DGKB: variants seen among roughly 807,000 people sequenced by gnomAD.
DGKB encodes diacylglycerol kinase beta.
DGKB carries 67 observed loss-of-function variants against 114.3 expected under a neutral mutation model. The ratio of observed to expected loss-of-function variants is 0.59; its 90% CI spans 0.48 to 0.72. DGKB has a LOEUF of 0.72. DGKB is among the 30% of genes least tolerant of loss of function. The pLI, the probability that DGKB is intolerant of heterozygous loss-of-function variation, is 0.00. For synonymous variants in DGKB, 398 were observed against 323.1 expected (o/e 1.23, Z -2.49); for missense variants, 907 against 975.2 (o/e 0.93, Z 0.93).
chr7:14,648,316 T>C (rs2128891807), intron 13 of DGKB, among the ~76,000 whole-genome samples: 1 of 152,262 alleles, frequency 6.6e-6, no homozygotes, highest in Admixed American at 6.5e-5. Context: ...GCAGACTGCC[T>C]CCTCAAGTGG....
chr7:14,263,521 C>G (rs750217801), intron 23 of DGKB, among the ~76,000 whole-genome samples: 7 of 152,156 alleles, frequency 4.6e-5, no homozygotes, highest in African/African-American at 7.2e-5. Flanking sequence ...ACATGCTCTC[C>G]TTACATGCTA....
At chr7:14,408,353 C>T (rs1824296635) in intron 21 of DGKB, among the ~76,000 whole-genome samples, 1 of 152,024 alleles carries the variant, frequency 6.6e-6, no homozygotes, top group African/African-American at 2.4e-5. Flanking sequence ...AGAATAAGGA[C>T]ATTTCTGAAA....
chr7:14,834,148 G>A (rs1301676592), intron 2 of DGKB, among the ~76,000 whole-genome samples: 2 of 152,064 alleles, frequency 1.3e-5, no homozygotes, highest in African/African-American at 4.8e-5. Context: ...TAAGGATAAA[G>A]TATCAACTTA....
At chr7:14,840,742 A>ACC (rs1364299920) in intron 2 of DGKB, among the ~76,000 whole-genome samples, 3 of 107,356 alleles carry the variant, frequency 2.8e-5, no homozygotes, top group Non-Finnish European at 6.1e-5. Context: ...ACACACACAC[A>ACC]CACCTCTCCC....
intron 17 of DGKB, among the ~76,000 whole-genome samples, chr7:14,605,581 C>T (rs183974354): frequency 6.7e-4 from 101 of 151,628 alleles, no homozygotes; most frequent in Non-Finnish European, 1.2e-3. Context: ...TTTACAGTTA[C>T]ATACATTACT....
intron 21 of DGKB, among the ~76,000 whole-genome samples, chr7:14,444,918 G>A (rs1243229617): frequency 2.0e-5 from 3 of 151,710 alleles, no homozygotes; most frequent in Non-Finnish European, 4.4e-5. Flanking sequence ...CCACTAATAA[G>A]TATTTCTGTT....
At chr7:14,606,997 C>T (rs957241728) in intron 17 of DGKB, among the ~76,000 whole-genome samples, 1 of 151,944 alleles carries the variant, frequency 6.6e-6, no homozygotes, top group African/African-American at 2.4e-5. Context: ...ATAACTCCTA[C>T]ATGCTTAGTG....
At chr7:14,435,025 C>T (rs987306665) in intron 21 of DGKB, among the ~76,000 whole-genome samples, 7 of 152,098 alleles carry the variant, frequency 4.6e-5, no homozygotes, top group Non-Finnish European at 8.8e-5. Context: ...TATTTCCCAT[C>T]ACATTGAGAA....
chr7:14,313,031 C>T (rs1805671476), intron 23 of DGKB, among the ~76,000 whole-genome samples: 1 of 152,140 alleles, frequency 6.6e-6, no homozygotes, highest in African/African-American at 2.4e-5. Context: ...AAGTTCAAGA[C>T]ATACCTGTAG....
At chr7:14,338,454 TA>T in intron 23 of DGKB, 60 bp downstream of exon 23, 6 of 1,087,202 alleles carry the variant, frequency 5.5e-6, no homozygotes, top group Non-Finnish European at 7.7e-6. Flanking sequence ...TCTTTACTTT[TA>T]AAGAAGCCTT....
At chr7:14,588,455 C>G (rs1420188208) in intron 17 of DGKB, among the ~76,000 whole-genome samples, 1 of 152,058 alleles carries the variant, frequency 6.6e-6, no homozygotes, top group Non-Finnish European at 1.5e-5. Context: ...CACATACACT[C>G]TCTTAAAATG....
intron 9 of DGKB, among the ~76,000 whole-genome samples, chr7:14,691,329 A>C (rs987653871): frequency 1.3e-5 from 2 of 152,192 alleles, no homozygotes; most frequent in African/African-American, 4.8e-5. Flanking sequence ...AATAGACAAT[A>C]ACATATAGGA....
At chr7:14,232,977 G>T (rs1737431912) in intron 23 of DGKB, among the ~76,000 whole-genome samples, 1 of 152,076 alleles carries the variant, frequency 6.6e-6, no homozygotes, top group African/African-American at 2.4e-5. Flanking sequence ...GCATCAGGAA[G>T]AATCTGCTGG....
chr7:14,516,390 G>T (rs1018163108), intron 20 of DGKB, among the ~76,000 whole-genome samples: 29 of 152,194 alleles, frequency 1.9e-4, no homozygotes, highest in Middle Eastern at 3.4e-3. Flanking sequence ...CTAGTTGAAG[G>T]GTTCAATGTA....
chr7:14,323,733 A>G (rs919912089), intron 23 of DGKB, among the ~76,000 whole-genome samples: 3 of 152,232 alleles, frequency 2.0e-5, no homozygotes, highest in African/African-American at 7.2e-5. Context: ...GAGTAGAGTG[A>G]GAAGAGTTGT....
At chr7:14,324,440 C>T (rs1808372166) in intron 23 of DGKB, among the ~76,000 whole-genome samples, 1 of 98,256 alleles carries the variant, frequency 1.0e-5, no homozygotes, top group African/African-American at 3.4e-5. Context: ...GAGTGAGACT[C>T]TGTCTCAAAA....
intron 13 of DGKB, among the ~76,000 whole-genome samples, chr7:14,654,451 G>A (rs1055701523): frequency 6.6e-6 from 1 of 151,910 alleles, no homozygotes; most frequent in Non-Finnish European, 1.5e-5. Flanking sequence ...TTGTCAAAAT[G>A]ACCATACAAC....
At position 14,595,407 on chromosome 7, in the gene DGKB, A is replaced by C. The variant is rs140173819; in HGVS notation, c.1433+12027T>G. ...TAGACATGTAGAATTTGAGATACTC[A>C]TGGAACTTGTGTTCATGGACTATTG... is the stretch of plus-strand genomic sequence containing the variant. On this transcript the variant is annotated intron_variant, in intron 17 of 25. Coordinates refer to ENST00000402815, the MANE Select transcript of DGKB (RefSeq NM_001350709.2). Among the ~76,000 whole-genome samples the C allele has an allele frequency of 2.5e-3, 374 of 152,148 alleles. 2 individuals are homozygous for C. The highest frequency in any genetic ancestry group is 8.7e-3 in the African/African-American group (360 of 41,508).
chr7:14,552,251 T>C (rs1795205781), intron 20 of DGKB, among the ~76,000 whole-genome samples: 1 of 152,294 alleles, frequency 6.6e-6, no homozygotes, highest in East Asian at 1.9e-4. Context: ...GTATCCACTA[T>C]AATGTCTATG....
Sources: allele counts gnomAD v4.1 joint callset (sites outside exome capture counted in the v4.1 genomes callset), GRCh38; gene constraint gnomAD v4.1.1; transcripts MANE v1.5; gene names NCBI Gene and HGNC (gene_info 2026-07-23, HGNC 2026-07-21).